ROCK2: variants seen among roughly 807,000 people sequenced by gnomAD.
The protein encoded by ROCK2 is rho-associated protein kinase 2.
ROCK2 carries 61 observed loss-of-function variants against 195.1 expected under a neutral mutation model. That is an observed-to-expected ratio of 0.31 (90% CI 0.25 to 0.39). The LOEUF (loss-of-function observed/expected upper bound fraction) is 0.39. Ranked by LOEUF, ROCK2 falls within the 10% of genes least tolerant of loss-of-function variation. The probability of loss-of-function intolerance (pLI) is 1.00; values close to 1 mark genes in which losing one functional copy is unlikely to be tolerated. For missense variants in ROCK2, 1,109 were observed against 1,637.4 expected (o/e 0.68, Z 5.57); for synonymous variants, 504 against 545.5 (o/e 0.92, Z 1.06).
intron 4 of ROCK2, among the ~76,000 whole-genome samples, chr2:11,243,883 A>G (rs369541156): frequency 6.6e-6 from 1 of 152,194 alleles, no homozygotes; most frequent in South Asian, 2.1e-4. Context: ...AACAGGGAAA[A>G]CTGTATTGGG....
At chr2:11,290,768 C>T (rs1163534402) in intron 1 of ROCK2, among the ~76,000 whole-genome samples, 1 of 152,142 alleles carries the variant, frequency 6.6e-6, no homozygotes, top group Non-Finnish European at 1.5e-5. Context: ...TAAAACCAGA[C>T]TGATTACGAG....
intron 1 of ROCK2, among the ~76,000 whole-genome samples, chr2:11,334,510 CAAAAAAAAAAAAAAA>C (rs34182610): frequency 1.1e-5 from 1 of 89,674 alleles, no homozygotes; most frequent in African/African-American, 4.4e-5. Context: ...GACTCTGTCT[CAAAAAAAAAAAAAAA>C]AAAAAAAATT....
At chr2:11,285,370 TAAA>T (rs1336879322) in intron 3 of ROCK2, among the ~76,000 whole-genome samples, 3 of 151,928 alleles carry the variant, frequency 2.0e-5, no homozygotes, top group Non-Finnish European at 4.4e-5. Context: ...CTCCTTGGAA[TAAA>T]ACTAGTACAT....
rs1301069849 is a variant in ROCK2, at chr2:11,207,738, G to A, written c.2537C>T (p.Ala846Val). The change falls in exon 20 of 33, where the codon GCT (alanine) becomes GTT (valine). Residue 846 changes from alanine to valine, a missense_variant. Physicochemically the swap from Ala to Val is moderately conservative, Grantham distance 64. Transcript: ENST00000315872. ...TCAATTAACTTACTTTCGAAGTTCA[G>A]CATTTTGTTTTTCCAAGTTCATTTT... ...EMKMNLEKQNAELRKERQDAD... is the reference protein window; with the variant it reads ...EMKMNLEKQNVELRKERQDAD... 3.1e-6 allele frequency: 5 copies of A among 1,602,918 alleles called. No individual in the cohort carries two copies. Among genetic ancestry groups the A allele is most frequent in the Non-Finnish European group, 4.3e-6 (5 of 1,174,256 alleles).
chr2:11,250,446 T>C (rs977977615), intron 3 of ROCK2, among the ~76,000 whole-genome samples: 1 of 152,190 alleles, frequency 6.6e-6, no homozygotes, highest in Admixed American at 6.5e-5. Context: ...TCCAAGAACA[T>C]AGCAAATTGT....
chr2:11,234,243 C>T (rs1012383356), intron 5 of ROCK2: 6 of 152,038 alleles, frequency 3.9e-5, no homozygotes, highest in Admixed American at 1.3e-4. Flanking sequence ...TATTCTATCC[C>T]GTTCCCCATA....
chr2:11,201,067 C>G lies in ROCK2; in HGVS notation c.2800G>C (p.Glu934Gln), dbSNP rs1283929166. ...TCTTTTTCCAAATCAGAATATTGTT[C>G]TTCAGCAATTGAACGAGCCAGTTGC... ...SEQLARSIAEEQYSDLEKEKI... is the reference protein window; with the variant it reads ...SEQLARSIAEQQYSDLEKEKI... The change falls in exon 23 of 33, where the codon GAA becomes CAA. Residue 934 changes from glutamate (E) to glutamine (Q), a missense_variant. Physicochemically the swap from Glu to Gln is conservative, Grantham distance 29. Coordinates refer to ENST00000315872, the MANE Select transcript of ROCK2 (RefSeq NM_004850.5). This position sits in a 1 kb window ranked among gnomAD's most constrained non-coding sequence, Gnocchi z 4.6. 6.2e-7 allele frequency: 1 copy of G among 1,613,570 alleles called. No homozygotes were observed. The highest frequency in any genetic ancestry group is 8.5e-7 in the Non-Finnish European group (1 of 1,179,822).
intron 1 of ROCK2, among the ~76,000 whole-genome samples, chr2:11,342,263 G>A (rs1437449052): frequency 6.6e-6 from 1 of 152,150 alleles, no homozygotes. Context: ...GATCCGTAAT[G>A]TGCCACCTTA....
At chr2:11,194,232 A>G (rs1294071203) in intron 29 of ROCK2, 24 bp downstream of exon 29, 2 of 1,060,980 alleles carry the variant, frequency 1.9e-6, no homozygotes, top group South Asian at 1.9e-5. Context: ...TATAGTTTCT[A>G]AATATTCTAA....
chr2:11,249,501 T>C (rs561132444), intron 4 of ROCK2, among the ~76,000 whole-genome samples, 160 bp downstream of exon 4: 57 of 152,242 alleles, frequency 3.7e-4, no homozygotes, highest in Non-Finnish European at 7.2e-4. Context: ...GGACATACTG[T>C]TTTGGAACAT....
chr2:11,288,541 CATG>C (rs1667267845), intron 1 of ROCK2, among the ~76,000 whole-genome samples: 1 of 152,122 alleles, frequency 6.6e-6, no homozygotes, highest in African/African-American at 2.4e-5. Context: ...TCCTCAGGGT[CATG>C]ATGTTAGGAA....
intron 4 of ROCK2, among the ~76,000 whole-genome samples, chr2:11,239,547 T>C (rs538074599): frequency 2.6e-5 from 4 of 152,292 alleles, no homozygotes; most frequent in African/African-American, 9.6e-5. Context: ...AAATGAAATA[T>C]ATCTGCCAAA....
chr2:11,204,390 G>A (rs138018443), intron 20 of ROCK2, among the ~76,000 whole-genome samples: 8 of 151,916 alleles, frequency 5.3e-5, no homozygotes, highest in Non-Finnish European at 8.8e-5. Context: ...TCCTGTCATT[G>A]TTTTTGAAAT....
intron 1 of ROCK2, among the ~76,000 whole-genome samples, chr2:11,311,555 A>C (rs1314052771): frequency 6.6e-6 from 1 of 152,234 alleles, no homozygotes; most frequent in Non-Finnish European, 1.5e-5. Context: ...AAAAGATTAA[A>C]AATCTGCCTC....
intron 1 of ROCK2, among the ~76,000 whole-genome samples, chr2:11,324,402 C>T (rs1369658668): frequency 2.0e-5 from 3 of 151,498 alleles, no homozygotes; most frequent in Admixed American, 1.3e-4. Context: ...TGCAGCGTGG[C>T]GACAGAGGGA....
intron 3 of ROCK2, among the ~76,000 whole-genome samples, chr2:11,262,557 A>C (rs1183284788): frequency 6.6e-6 from 1 of 152,170 alleles, no homozygotes; most frequent in Non-Finnish European, 1.5e-5. Flanking sequence ...GATAGTAAGT[A>C]GTAAGTCTCA....
At chr2:11,257,573 T>C (rs1273064974) in intron 3 of ROCK2, among the ~76,000 whole-genome samples, 1 of 151,100 alleles carries the variant, frequency 6.6e-6, no homozygotes, top group Non-Finnish European at 1.5e-5. Flanking sequence ...AAGAGGTGAG[T>C]TTTATGAAGA....
chr2:11,252,095 C>G (rs1187097104), intron 3 of ROCK2, among the ~76,000 whole-genome samples: 1 of 152,112 alleles, frequency 6.6e-6, no homozygotes, highest in Non-Finnish European at 1.5e-5. Context: ...CTGTGGAAGA[C>G]AGTGTGGCAA....
intron 1 of ROCK2, among the ~76,000 whole-genome samples, chr2:11,297,576 C>T (rs1444910111): frequency 6.6e-6 from 1 of 151,922 alleles, no homozygotes; most frequent in East Asian, 1.9e-4. Flanking sequence ...CTTCTCTGAA[C>T]TGGGATCTTA....
Sources: gnomAD v4.1 joint callset for allele counts (sites outside exome capture counted in the v4.1 genomes callset) on GRCh38, gnomAD v4.1.1 for gene constraint, Gnocchi (gnomAD v3.1) non-coding constraint, MANE v1.5 for transcripts, NCBI Gene and HGNC (gene_info 2026-07-23, HGNC 2026-07-21) for gene names.